The following TMEM132B variants were observed in gnomAD, a reference collection of about 807,000 sequenced individuals.
TMEM132B encodes transmembrane protein 132B.
Under a neutral mutation model 90.8 loss-of-function variants are expected in TMEM132B, and 18 were observed. The ratio of observed to expected loss-of-function variants is 0.20; its 90% CI spans 0.14 to 0.29. The LOEUF (loss-of-function observed/expected upper bound fraction) is 0.29, where lower values mean the gene tolerates loss of function less well. TMEM132B is among the 10% of genes least tolerant of loss of function. TMEM132B has a pLI of 1.00. For synonymous variants in TMEM132B, 504 were observed against 523.3 expected, an observed-to-expected ratio of 0.96 and a Z score of 0.50; for missense variants, 1,096 against 1,326.8, an observed-to-expected ratio of 0.83 and a Z score of 2.70.
intron 5 of TMEM132B, among the ~76,000 whole-genome samples, chr12:125,624,637 G>A (rs1209503781): frequency 1.3e-5 from 2 of 152,086 alleles, no homozygotes; most frequent in African/African-American, 2.4e-5. Flanking sequence ...ATCTTTAAAA[G>A]CATCATCCTA....
intron 1 of TMEM132B, among the ~76,000 whole-genome samples, chr12:125,233,292 C>T (rs1873865297): frequency 6.6e-6 from 1 of 152,180 alleles, no homozygotes; most frequent in South Asian, 2.1e-4. Flanking sequence ...TGTGGTGGCT[C>T]CATGATGTCA....
chr12:125,507,963 C>A (rs941499555), intron 3 of TMEM132B, among the ~76,000 whole-genome samples: 1 of 152,026 alleles, frequency 6.6e-6, no homozygotes, highest in Non-Finnish European at 1.5e-5. Flanking sequence ...TGGCCTAGGG[C>A]AGAAACAGTA....
At chr12:125,592,153 C>T (rs1885331476) in intron 5 of TMEM132B, among the ~76,000 whole-genome samples, 3 of 152,154 alleles carry the variant, frequency 2.0e-5, no homozygotes, top group Admixed American at 2.0e-4. Flanking sequence ...AATGTTCATA[C>T]TGTAATTATG....
At position 125,655,587 on chromosome 12, in the gene TMEM132B, C is replaced by T. The variant is rs1199128646; in HGVS notation, c.*877C>T. On this transcript the variant is annotated 3_prime_UTR_variant, in exon 9 of 9. Coordinates refer to ENST00000682704, the MANE Select transcript of TMEM132B (RefSeq NM_001366854.1). ...AATCACAAACATTTATTTTTATTCT[C>T]TGCTTGTTGAAAACTCATGGGGAAC... The T allele has an allele frequency of 6.6e-6, 1 of 152,146 alleles. No homozygotes were observed. Among genetic ancestry groups the T allele is most frequent in the Non-Finnish European group, 1.5e-5 (1 of 68,014 alleles). The allele number at this position is 152,146 out of a possible 1,614,324, so 9.4% of individuals were successfully genotyped here. A position where few individuals can be genotyped will look rare whatever the true frequency, so the allele number is the denominator to read the frequency against.
At chr12:125,589,663 T>C (rs948449051) in intron 5 of TMEM132B, among the ~76,000 whole-genome samples, 1 of 151,938 alleles carries the variant, frequency 6.6e-6, no homozygotes, top group African/African-American at 2.4e-5. Flanking sequence ...AGCAGACACA[T>C]CTTACATGGC....
chr12:125,421,422 G>A (rs1314326373), intron 3 of TMEM132B, among the ~76,000 whole-genome samples: 1 of 152,210 alleles, frequency 6.6e-6, no homozygotes, highest in Non-Finnish European at 1.5e-5. Context: ...AAGAGGTTGT[G>A]TGGGGGAACT....
intron 4 of TMEM132B, among the ~76,000 whole-genome samples, chr12:125,520,190 C>T (rs34013262): frequency 0.024 from 3,719 of 152,220 alleles, 61 homozygotes; most frequent in Middle Eastern, 0.065. Flanking sequence ...GTTGAAGTTA[C>T]GTTCATAGTC....
chr12:125,411,031 GGAGT>G (rs1247352672), intron 2 of TMEM132B, among the ~76,000 whole-genome samples: 70 of 1,592 alleles, frequency 0.044, 10 homozygotes, highest in African/African-American at 0.19. Context: ...TGAGTGGAGT[GGAGT>G]GAGTGGAGTG....
rs1025554046 is a variant in TMEM132B at position 125,583,906 on chromosome 12, T to C, written c.1349T>C (p.Val450Ala). The C allele has an allele frequency of 9.9e-6, 16 of 1,614,054 alleles. No homozygotes were observed. The highest frequency in any genetic ancestry group is 1.4e-5 in the Non-Finnish European group (16 of 1,180,040). ...ACTGGAAAGCCTGTTTCAGTTCCTG[T>C]CAAAGTCGTGGGGGTCCAGGAGGAT... ...ILTGKPVSVP[V>A]KVVGVQEDGS... The change falls in exon 5 of 9, where the codon GTC becomes GCC. Residue 450 changes from valine to alanine, a missense_variant. Val to Ala is a moderately conservative substitution (Grantham distance 64). Coordinates refer to ENST00000682704, the MANE Select transcript of TMEM132B (RefSeq NM_001366854.1).
intron 3 of TMEM132B, among the ~76,000 whole-genome samples, chr12:125,495,750 A>C (rs1359810325): frequency 1.3e-5 from 2 of 152,204 alleles, no homozygotes; most frequent in East Asian, 3.9e-4. Context: ...CATGGCACTA[A>C]ACCCCTGCTG....
intron 4 of TMEM132B, among the ~76,000 whole-genome samples, chr12:125,520,700 A>G (rs1395237529): frequency 6.6e-6 from 1 of 152,022 alleles, no homozygotes; most frequent in African/African-American, 2.4e-5. Flanking sequence ...TCTTCTTCCT[A>G]GACATTATCA....
At chr12:125,401,569 T>G (rs967141834) in intron 2 of TMEM132B, among the ~76,000 whole-genome samples, 1 of 152,112 alleles carries the variant, frequency 6.6e-6, no homozygotes, top group Admixed American at 6.5e-5. Flanking sequence ...GCAGGGGGAA[T>G]GGCAGGTGGA....
chr12:125,298,187 C>T (rs763025017), intron 1 of TMEM132B, among the ~76,000 whole-genome samples: 1 of 152,052 alleles, frequency 6.6e-6, no homozygotes, highest in Non-Finnish European at 1.5e-5. Context: ...GGATTCTAGG[C>T]TGCAGTGAGC....
chr12:125,272,619 C>T (rs543388871), intron 1 of TMEM132B, among the ~76,000 whole-genome samples: 2 of 152,000 alleles, frequency 1.3e-5, no homozygotes, highest in Admixed American at 6.5e-5. Context: ...TGGCATGTGG[C>T]GCGGGCGGGT....
chr12:125,609,404 C>T (rs1399838064), intron 5 of TMEM132B, among the ~76,000 whole-genome samples: 1 of 152,078 alleles, frequency 6.6e-6, no homozygotes, highest in Non-Finnish European at 1.5e-5. Flanking sequence ...CGCTGCATTT[C>T]CTTATGAATA....
intron 3 of TMEM132B, among the ~76,000 whole-genome samples, chr12:125,518,816 A>G (rs1042206751): frequency 6.6e-5 from 10 of 152,258 alleles, no homozygotes; most frequent in African/African-American, 2.4e-4. Context: ...TTCTAATCCC[A>G]TTTGGTGAAA....
intron 4 of TMEM132B, among the ~76,000 whole-genome samples, chr12:125,534,468 T>C (rs1883743345): frequency 6.6e-6 from 1 of 152,132 alleles, no homozygotes; most frequent in Admixed American, 6.5e-5. Context: ...AGTGAGCCAT[T>C]ATCATGCCAT....
intron 3 of TMEM132B, among the ~76,000 whole-genome samples, chr12:125,451,410 G>A (rs1352946778): frequency 1.3e-5 from 2 of 152,160 alleles, no homozygotes; most frequent in Non-Finnish European, 2.9e-5. Flanking sequence ...AGAGAATGAA[G>A]AGAGTGAGTG....
At chr12:125,263,407 C>T (rs1874612812) in intron 1 of TMEM132B, among the ~76,000 whole-genome samples, 1 of 152,216 alleles carries the variant, frequency 6.6e-6, no homozygotes, top group African/African-American at 2.4e-5. Context: ...AGAATAATAA[C>T]ACATTCTCAT....
Sources: allele counts gnomAD v4.1 joint callset (sites outside exome capture counted in the v4.1 genomes callset), GRCh38; gene constraint gnomAD v4.1.1; transcripts MANE v1.5; gene names NCBI Gene and HGNC (gene_info 2026-07-23, HGNC 2026-07-21).